Variants in PBRM1 observed in about 807,000 individuals in gnomAD.
PBRM1 encodes polybromo 1, also known as protein polybromo-1.
A neutral mutation model predicts 194.5 loss-of-function variants in PBRM1; 27 were observed. The ratio of observed to expected loss-of-function variants is 0.14; its 90% CI spans 0.10 to 0.19. The LOEUF (loss-of-function observed/expected upper bound fraction) is 0.19. Among genes scored for constraint, PBRM1 ranks in the 10% least tolerant of loss-of-function variants. The pLI is 1.00. For missense variants in PBRM1, 1,466 were observed against 2,077.2 expected (o/e 0.71, Z 5.72); for synonymous variants, 655 against 693.2 (o/e 0.94, Z 0.87).
intron 16 of PBRM1, among the ~76,000 whole-genome samples, chr3:52,606,551 A>C (rs1370092078): frequency 6.6e-6 from 1 of 152,214 alleles, no homozygotes; most frequent in Non-Finnish European, 1.5e-5. Flanking sequence ...AAGAGTCACT[A>C]AACACCTAGT....
At chr3:52,574,783 A>G (rs901279691) in intron 22 of PBRM1, among the ~76,000 whole-genome samples, 36 of 152,218 alleles carry the variant, frequency 2.4e-4, no homozygotes, top group Admixed American at 5.9e-4. Context: ...GTCAGCAGTG[A>G]AGACTGGGAG....
chr3:52,665,330 AT>A (rs5848957), intron 3 of PBRM1, among the ~76,000 whole-genome samples: 52,751 of 146,608 alleles, frequency 0.36, 10,178 homozygotes, highest in Admixed American at 0.48. Context: ...AATTAAAACA[AT>A]TTTTTTTTTT....
At chr3:52,567,565 C>CAAAAAAAAAAAAAAAAA (rs10644120) in intron 22 of PBRM1, among the ~76,000 whole-genome samples, 15 of 91,424 alleles carry the variant, frequency 1.6e-4, no homozygotes, top group Middle Eastern at 5.4e-3. Flanking sequence ...TAGGTAATCT[C>CAAAAAAAAAAAAAAAAA]AAAAAAAAAA....
chr3:52,632,238 A>G (rs2095641463), intron 11 of PBRM1, among the ~76,000 whole-genome samples: 1 of 152,186 alleles, frequency 6.6e-6, no homozygotes, highest in South Asian at 2.1e-4. Flanking sequence ...TATCATACAG[A>G]GTCCAAAAAT....
chr3:52,644,030 G>C (rs1394860667), intron 8 of PBRM1, among the ~76,000 whole-genome samples: 2 of 151,586 alleles, frequency 1.3e-5, no homozygotes, highest in East Asian at 3.9e-4. Context: ...TGGATCTCCT[G>C]ATACCTGCTA....
intron 25 of PBRM1, among the ~76,000 whole-genome samples, chr3:52,559,739 C>A (rs1315817480): frequency 6.6e-6 from 1 of 151,972 alleles, no homozygotes; most frequent in Non-Finnish European, 1.5e-5. Flanking sequence ...GACAGAGTTG[C>A]CTGCATAGCC....
At chr3:52,577,298 G>A (rs1030900718) in intron 21 of PBRM1, among the ~76,000 whole-genome samples, 7 of 152,080 alleles carry the variant, frequency 4.6e-5, no homozygotes, top group Non-Finnish European at 1.0e-4. Context: ...AGCCCTGGCA[G>A]TGTGCACCTA....
chr3:52,551,380 T>A (rs1327361217), intron 27 of PBRM1, among the ~76,000 whole-genome samples: 3 of 152,188 alleles, frequency 2.0e-5, no homozygotes, highest in Admixed American at 6.5e-5. Flanking sequence ...AGAGAACACT[T>A]CCATCTGATA....
chr3:52,671,172 T>G (rs1329482786), intron 2 of PBRM1, among the ~76,000 whole-genome samples: 1 of 152,244 alleles, frequency 6.6e-6, no homozygotes, highest in Admixed American at 6.5e-5. Context: ...ATTGTTGATT[T>G]GCATGTCCTA....
chr3:52,658,189 C>T lies in PBRM1; in HGVS notation c.645+10G>A. On this transcript the variant is annotated intron_variant, in intron 5 of 29. Coordinates refer to ENST00000296302, the Ensembl canonical transcript of PBRM1. ...ACTGACATGTACCTGTTTTTAACTG[C>T]ATCACTTACCACTTTAGAAGGCAGT... The T allele has an allele frequency of 7.8e-7, 1 of 1,286,030 alleles. No individual in the cohort carries two copies. The allele number at this position is 1,286,030 out of a possible 1,614,324, so 79.7% of individuals were successfully genotyped here.
chr3:52,683,929 G>A (rs1022251778), upstream of PBRM1, among the ~76,000 whole-genome samples: 5 of 150,984 alleles, frequency 3.3e-5, no homozygotes, highest in African/African-American at 9.8e-5. Context: ...CCAGCACTTG[G>A]AGAGGCTGAG....
At chr3:52,550,933 G>T (rs1301347260) in intron 27 of PBRM1, 116 bp from the exon 30 acceptor site, 3 of 644,734 alleles carry the variant, frequency 4.7e-6, no homozygotes, top group Non-Finnish European at 5.4e-6. Context: ...CTCTGCCCTT[G>T]AATCTTTGTG....
chr3:52,658,083 ACACCC>A, intron 5 of PBRM1, 111 bp downstream of exon 6: 1 of 618,920 alleles, frequency 1.6e-6, no homozygotes, highest in Non-Finnish European at 3.0e-6. Context: ...ATGAGCCACC[ACACCC>A]GGCCCAACAT....
intron 26 of PBRM1, among the ~76,000 whole-genome samples, chr3:52,555,722 C>T (rs181830332): frequency 6.6e-6 from 1 of 152,146 alleles, no homozygotes; most frequent in Non-Finnish European, 1.5e-5. Flanking sequence ...ATTTGAGGTA[C>T]ACAATTTCTG....
downstream of PBRM1, chr3:52,547,796 T>C (rs1360430147): frequency 9.0e-6 from 3 of 331,700 alleles, no homozygotes; most frequent in Non-Finnish European, 1.1e-5. Context: ...ACTCCAAGTC[T>C]ACATATACAA....
chr3:52,579,184 G>A (rs1232088834), exon 21 of PBRM1: 1 of 1,613,900 alleles, frequency 6.2e-7, no homozygotes, highest in Non-Finnish European at 8.5e-7. Context: ...ATTTCCACAG[G>A]GACATCTTCT....
chr3:52,651,548 C>G (rs1328479587), intron 6 of PBRM1, among the ~76,000 whole-genome samples, 194 bp downstream of exon 7: 1 of 152,128 alleles, frequency 6.6e-6, no homozygotes, highest in Non-Finnish European at 1.5e-5. Context: ...ATGTCGGTAA[C>G]CAATGTGTTT....
At chr3:52,592,961 G>A (rs1187951380) in intron 17 of PBRM1, among the ~76,000 whole-genome samples, 1 of 152,174 alleles carries the variant, frequency 6.6e-6, no homozygotes, top group African/African-American at 2.4e-5. Flanking sequence ...GTTCATAGTA[G>A]TATCTGCTAG....
intron 15 of PBRM1, among the ~76,000 whole-genome samples, chr3:52,612,025 C>T (rs1332661139): frequency 2.0e-5 from 3 of 150,942 alleles, no homozygotes; most frequent in South Asian, 2.1e-4. Context: ...TTTGGGAGGC[C>T]GAGGCGGGCA....
Sources: allele counts gnomAD v4.1 joint callset (sites outside exome capture counted in the v4.1 genomes callset), GRCh38; gene constraint gnomAD v4.1.1; transcripts MANE v1.5; gene names NCBI Gene and HGNC (gene_info 2026-07-23, HGNC 2026-07-21).